PTPRA: variants seen among roughly 807,000 people sequenced by gnomAD.
The protein encoded by PTPRA is protein tyrosine phosphatase receptor type A, also known as receptor-type tyrosine-protein phosphatase alpha.
PTPRA carries 25 observed loss-of-function variants against 104.8 expected under a neutral mutation model. The observed-to-expected ratio is 0.24, with a 90% CI of 0.17 to 0.33. The LOEUF (loss-of-function observed/expected upper bound fraction) is 0.33. Ranked by LOEUF, PTPRA falls within the 10% of genes least tolerant of loss-of-function variation. The pLI is 1.00. For synonymous variants in PTPRA, 323 were observed against 368.9 expected (o/e 0.88, Z 1.43); for missense variants, 765 against 1,015.3 (o/e 0.75, Z 3.35).
chr20:2,988,153 C>G (rs760509360), intron 8 of PTPRA, 48 bp downstream of exon 8: 1 of 1,534,838 alleles, frequency 6.5e-7, no homozygotes, highest in Non-Finnish European at 9.0e-7. Flanking sequence ...GGAAGGAAAT[C>G]AAGAAATTAG....
At chr20:2,866,202 C>T in the PTPRA span, 1 of 1,613,936 alleles carries the variant, frequency 6.2e-7, no homozygotes, top group Non-Finnish European at 8.5e-7. Context: ...CCCGCTTCCT[C>T]TCCTCCAAGC....
intron 5 of PTPRA, among the ~76,000 whole-genome samples, chr20:2,974,630 A>G (rs984392737): frequency 6.6e-6 from 1 of 151,962 alleles, no homozygotes; most frequent in Non-Finnish European, 1.5e-5. Flanking sequence ...GGGTTTTACC[A>G]TGTTGGCCAG....
At chr20:2,894,435 T>C (rs1375335730) in intron 1 of PTPRA, among the ~76,000 whole-genome samples, 6 of 152,300 alleles carry the variant, frequency 3.9e-5, no homozygotes, top group African/African-American at 1.4e-4. Context: ...TGTGCCACAC[T>C]GGAGTTTCCA....
chr20:2,874,480 A>G (rs2089585110), intron 1 of PTPRA, among the ~76,000 whole-genome samples: 1 of 152,078 alleles, frequency 6.6e-6, no homozygotes, highest in Non-Finnish European at 1.5e-5. Context: ...AGACAGGAAA[A>G]GAAGAATGTG....
intron 20 of PTPRA, among the ~76,000 whole-genome samples, chr20:3,032,827 A>T (rs67597752): frequency 0.22 from 33,191 of 150,008 alleles, 4,116 homozygotes; most frequent in African/African-American, 0.3. Context: ...TGTTCCTTCC[A>T]GGCTTGGCCC....
intron 3 of PTPRA, among the ~76,000 whole-genome samples, chr20:2,959,366 T>C (rs2061662381): frequency 6.6e-6 from 1 of 152,230 alleles, no homozygotes; most frequent in African/African-American, 2.4e-5. Context: ...AATAAAAATG[T>C]AATCTCATTA....
chr20:2,904,200 A>G (rs577947910), intron 1 of PTPRA, among the ~76,000 whole-genome samples: 1 of 152,276 alleles, frequency 6.6e-6, no homozygotes, highest in African/African-American at 2.4e-5. Context: ...GTTATGAGCC[A>G]TGGCGCCCAG....
chr20:2,968,981 G>A (rs909110426), intron 5 of PTPRA, among the ~76,000 whole-genome samples: 4 of 152,136 alleles, frequency 2.6e-5, no homozygotes, highest in African/African-American at 9.7e-5. Flanking sequence ...GCCAAGGCAG[G>A]TGGATCACTT....
intron 3 of PTPRA, among the ~76,000 whole-genome samples, chr20:2,951,153 G>T (rs1442406255): frequency 6.6e-6 from 1 of 151,906 alleles, no homozygotes. Flanking sequence ...AGGCTAAAGT[G>T]CAGTGGGGCG....
intron 11 of PTPRA, among the ~76,000 whole-genome samples, chr20:3,009,551 G>C (rs903684052): frequency 2.6e-5 from 4 of 152,128 alleles, no homozygotes; most frequent in African/African-American, 9.7e-5. Context: ...GGGGCAGTCC[G>C]GGCATTCTCA....
the PTPRA span, chr20:2,865,055 G>A: frequency 3.1e-6 from 5 of 1,614,178 alleles, no homozygotes; most frequent in African/African-American, 1.3e-5. This position sits in a 1 kb window ranked among gnomAD's most constrained non-coding sequence, Gnocchi z 5.2. Flanking sequence ...TTGCAGCCAA[G>A]GTTTGGCCCA....
intron 11 of PTPRA, among the ~76,000 whole-genome samples, chr20:3,007,828 C>CTG (rs3055409): frequency 3.3e-5 from 5 of 150,182 alleles, no homozygotes; most frequent in Non-Finnish European, 5.9e-5. Context: ...GTGTGTGTGT[C>CTG]TGTGTGTGTG....
At chr20:2,980,799 C>A (rs1482045338) in intron 6 of PTPRA, among the ~76,000 whole-genome samples, 2 of 152,124 alleles carry the variant, frequency 1.3e-5, no homozygotes, top group African/African-American at 4.8e-5. Flanking sequence ...CCTCCATTTC[C>A]CAGGGCTACT....
chr20:2,873,376 G>C (rs1175051535), upstream of PTPRA: 1 of 152,286 alleles, frequency 6.6e-6, no homozygotes, highest in Non-Finnish European at 1.5e-5. This position sits in a 1 kb window ranked among gnomAD's most constrained non-coding sequence, Gnocchi z 4.4. Context: ...GCGCCCAGCG[G>C]AGCGCAAGGG....
At chr20:2,906,047 T>C (rs1282600264) in intron 1 of PTPRA, among the ~76,000 whole-genome samples, 3 of 152,148 alleles carry the variant, frequency 2.0e-5, no homozygotes, top group Non-Finnish European at 4.4e-5. Context: ...TCTTGTTCCA[T>C]TTAAAGAAAC....
intron 20 of PTPRA, among the ~76,000 whole-genome samples, chr20:3,032,582 A>G (rs55771814): frequency 0.21 from 31,723 of 151,716 alleles, 4,061 homozygotes; most frequent in African/African-American, 0.33. Flanking sequence ...CCTGGCCAAC[A>G]TGGCAAAACC....
intron 13 of PTPRA, among the ~76,000 whole-genome samples, chr20:3,020,281 G>T (rs2064795949): frequency 6.6e-6 from 1 of 151,766 alleles, no homozygotes; most frequent in African/African-American, 2.4e-5. Flanking sequence ...GTTTTTTTTA[G>T]TAGAGACGGG....
chr20:2,964,889 A>G lies in PTPRA; in HGVS notation c.102A>G (p.Leu34=), dbSNP rs758939237. ...TVAPSVGITR[L]INSSTAEPVK... ...CACCTTCTGTAGGAATTACAAGATTAATTAACTCATCAACGGCAGAACCAG... is the reference window on the plus strand; with the variant it reads ...CACCTTCTGTAGGAATTACAAGATTGATTAACTCATCAACGGCAGAACCAG... The change falls in exon 5 of 24, where the codon TTA becomes TTG. Residue 34 remains leucine (L), a synonymous_variant. Transcript: ENST00000399903. 1.9e-6 allele frequency: 3 copies of G among 1,613,698 alleles called. No individual in the cohort carries two copies. The highest frequency in any genetic ancestry group is 2.7e-5 in the African/African-American group (2 of 74,912).
upstream of PTPRA, among the ~76,000 whole-genome samples, chr20:2,870,672 C>T (rs143036205): frequency 3.2e-3 from 484 of 152,290 alleles, 4 homozygotes; most frequent in African/African-American, 0.011. Context: ...AAGGAGGCCC[C>T]GAGAGGGGAA....
Sources: gnomAD v4.1 joint callset for allele counts (sites outside exome capture counted in the v4.1 genomes callset) on GRCh38, gnomAD v4.1.1 for gene constraint, Gnocchi (gnomAD v3.1) non-coding constraint, MANE v1.5 for transcripts, NCBI Gene and HGNC (gene_info 2026-07-23, HGNC 2026-07-21) for gene names.